Variants in ZNF385D observed in about 807,000 individuals in gnomAD.
ZNF385D encodes zinc finger protein 659.
In ZNF385D, 15 loss-of-function variants were observed where a neutral mutation model predicts 35.8. The ratio of observed to expected loss-of-function variants is 0.42; its 90% confidence interval spans 0.28 to 0.64. ZNF385D has a LOEUF of 0.64. ZNF385D is among the 30% of genes least tolerant of loss of function. ZNF385D has a pLI of 0.23. For missense variants in ZNF385D, 474 were observed against 494.6 expected (o/e 0.96, Z 0.39); for synonymous variants, 212 against 186.8 (o/e 1.13, Z -1.10).
At chr3:21,676,204 G>A (rs1277749774) in intron 1 of ZNF385D, among the ~76,000 whole-genome samples, 1 of 152,000 alleles carries the variant, frequency 6.6e-6, no homozygotes, top group Non-Finnish European at 1.5e-5. Flanking sequence ...AGCTTCCAAG[G>A]TTTAGGAACT....
chr3:21,870,004 ATTT>A (rs1040833368), intron 3 of ZNF385D, among the ~76,000 whole-genome samples: 1 of 151,726 alleles, frequency 6.6e-6, no homozygotes, highest in African/African-American at 2.4e-5. Context: ...CCCACTGTGG[ATTT>A]TTTTTTAAAA....
At chr3:22,313,059 C>G (rs1218385548) in intron 2 of ZNF385D, among the ~76,000 whole-genome samples, 1 of 151,976 alleles carries the variant, frequency 6.6e-6, no homozygotes, top group Non-Finnish European at 1.5e-5. Flanking sequence ...CCATGGAATA[C>G]TATGCAGCCA....
chr3:21,755,291 T>C (rs2070291023), upstream of ZNF385D, among the ~76,000 whole-genome samples: 1 of 152,212 alleles, frequency 6.6e-6, no homozygotes, highest in Non-Finnish European at 1.5e-5. Context: ...CATTATCATC[T>C]TTAAAAATGG....
chr3:21,819,006 T>C (rs1559654806), intron 3 of ZNF385D, among the ~76,000 whole-genome samples: 1 of 151,990 alleles, frequency 6.6e-6, no homozygotes, highest in Non-Finnish European at 1.5e-5. Context: ...GAAAACTGCA[T>C]ATAAATTATT....
intron 4 of ZNF385D, among the ~76,000 whole-genome samples, chr3:21,452,734 C>A (rs1036741509): frequency 2.0e-5 from 3 of 151,842 alleles, no homozygotes; most frequent in Non-Finnish European, 4.4e-5. Flanking sequence ...AAAGGCAGCC[C>A]ATGTTTGATG....
chr3:22,110,644 G>A (rs1273757851), intron 3 of ZNF385D, among the ~76,000 whole-genome samples: 4 of 151,846 alleles, frequency 2.6e-5, no homozygotes, highest in Admixed American at 2.0e-4. Context: ...GTTGTGGGGT[G>A]GGGGGAGTGG....
intron 3 of ZNF385D, among the ~76,000 whole-genome samples, chr3:21,763,505 C>T (rs757666164): frequency 4.6e-5 from 7 of 152,252 alleles, no homozygotes; most frequent in East Asian, 1.9e-4. Flanking sequence ...GTGTTTAAAA[C>T]TTCTTGAGAA....
chr3:21,887,255 G>C (rs1178470122), intron 3 of ZNF385D, among the ~76,000 whole-genome samples: 3 of 152,168 alleles, frequency 2.0e-5, no homozygotes, highest in Non-Finnish European at 2.9e-5. Context: ...GTCTTAAATA[G>C]TTTGTTTCTA....
chr3:22,222,443 T>C lies in ZNF385D; in HGVS notation c.107-53408A>G, dbSNP rs920269623. Reference sequence around the variant, plus strand: ...AAATTAAGTTCTGGGGTCAAAGATATTCACATTAAAGGCCCTCAAAGGAAA... The same window carrying C: ...AAATTAAGTTCTGGGGTCAAAGATACTCACATTAAAGGCCCTCAAAGGAAA... On this transcript the variant is annotated intron_variant, in intron 2 of 5. Coordinates refer to the ZNF385D transcript ENST00000494108. 2.6e-5 allele frequency among the ~76,000 whole-genome samples: 4 copies of C among 152,204 alleles called. No homozygotes were observed. In the South Asian group the frequency reaches 8.3e-4, roughly 32 times the overall value.
intron 3 of ZNF385D, among the ~76,000 whole-genome samples, chr3:21,913,463 T>C (rs1700060850): frequency 6.6e-6 from 1 of 152,154 alleles, no homozygotes; most frequent in Non-Finnish European, 1.5e-5. Context: ...CGAAAGCATT[T>C]ACTGAATGAC....
intron 4 of ZNF385D, among the ~76,000 whole-genome samples, chr3:21,491,513 G>C (rs1389824153): frequency 6.6e-6 from 1 of 152,134 alleles, no homozygotes; most frequent in Admixed American, 6.6e-5. Flanking sequence ...AAATGATAGA[G>C]TTTTTTCACT....
At chr3:22,045,596 C>T (rs78210535) in intron 3 of ZNF385D, among the ~76,000 whole-genome samples, 30,324 of 151,988 alleles carry the variant, frequency 0.2, 3,188 homozygotes, top group South Asian at 0.35. Flanking sequence ...ACAGCACCCG[C>T]ATAGTGTAGA....
intron 3 of ZNF385D, among the ~76,000 whole-genome samples, chr3:21,548,055 C>T (rs1406821770): frequency 6.6e-6 from 1 of 152,108 alleles, no homozygotes; most frequent in Non-Finnish European, 1.5e-5. Context: ...CGTGTGAAAC[C>T]TGGGATTAGA....
intron 2 of ZNF385D, among the ~76,000 whole-genome samples, chr3:22,209,449 G>T (rs988511498): frequency 1.2e-4 from 18 of 151,724 alleles, no homozygotes; most frequent in Non-Finnish European, 5.9e-5. Flanking sequence ...TATTATTAAT[G>T]ATTTTTAAGT....
At chr3:21,768,389 C>G (rs1442980632) in intron 3 of ZNF385D, among the ~76,000 whole-genome samples, 2 of 151,870 alleles carry the variant, frequency 1.3e-5, no homozygotes, top group Non-Finnish European at 2.9e-5. Flanking sequence ...GTAGAAAGCA[C>G]CAGGAGTCTC....
chr3:22,214,486 G>A (rs534474390), intron 2 of ZNF385D, among the ~76,000 whole-genome samples: 27 of 152,054 alleles, frequency 1.8e-4, no homozygotes, highest in South Asian at 8.3e-4. Context: ...TGAGCCAGGC[G>A]GAACAGAGCC....
At chr3:21,787,814 A>T (rs1276816041) in intron 3 of ZNF385D, among the ~76,000 whole-genome samples, 4 of 151,918 alleles carry the variant, frequency 2.6e-5, no homozygotes, top group Admixed American at 2.0e-4. Context: ...GTACTTTTTT[A>T]AAAAAAGAGA....
At chr3:21,876,426 C>T (rs1310589395) in intron 3 of ZNF385D, among the ~76,000 whole-genome samples, 3 of 151,264 alleles carry the variant, frequency 2.0e-5, no homozygotes, top group Non-Finnish European at 2.9e-5. Context: ...GTTAACACAA[C>T]TTAATCTAGT....
At chr3:22,091,562 C>A (rs565533438) in intron 3 of ZNF385D, among the ~76,000 whole-genome samples, 2 of 150,826 alleles carry the variant, frequency 1.3e-5, no homozygotes, top group African/African-American at 2.4e-5. Context: ...AGTAGCCTGC[C>A]AGAGTTATTG....
Sources: gnomAD v4.1 joint callset for allele counts (sites outside exome capture counted in the v4.1 genomes callset) on GRCh38, gnomAD v4.1.1 for gene constraint, MANE v1.5 for transcripts, NCBI Gene and HGNC (gene_info 2026-07-23, HGNC 2026-07-21) for gene names.